Variants in A2ML1 observed in about 807,000 individuals in gnomAD.
A2ML1 encodes the protein alpha-2-macroglobulin-like protein 1.
A neutral mutation model predicts 181.9 loss-of-function variants in A2ML1; 161 were observed. That is an observed-to-expected ratio of 0.89 (90% confidence interval 0.78 to 1.01). The LOEUF is 1.01. Ranked by LOEUF, A2ML1 falls within the 50% of genes least tolerant of loss-of-function variation. The pLI, the probability that A2ML1 is intolerant of heterozygous loss-of-function variation, is 0.00. For synonymous variants in A2ML1, 663 were observed against 666.8 expected (o/e 0.99, Z 0.09); for missense variants, 1,670 against 1,768.1 (o/e 0.94, Z 1.00).
At chr12:8,832,695 C>G (rs1478556407) in intron 4 of A2ML1, among the ~76,000 whole-genome samples, 1 of 152,096 alleles carries the variant, frequency 6.6e-6, no homozygotes, top group Non-Finnish European at 1.5e-5. Context: ...AAAAGGCTGT[C>G]GATTGTTCTG....
intron 26 of A2ML1, 33 bp from the exon 27 acceptor site, chr12:8,860,848 G>A: frequency 6.2e-7 from 1 of 1,600,576 alleles, no homozygotes; most frequent in African/African-American, 1.3e-5. Context: ...GCTGCCTGCT[G>A]CCCTGACTCA....
intron 27 of A2ML1, 39 bp from the exon 28 acceptor site, chr12:8,861,096 A>G: frequency 1.9e-6 from 3 of 1,610,462 alleles, no homozygotes; most frequent in Non-Finnish European, 2.5e-6. Context: ...TTTTTAAAGG[A>G]ATGCCTTATA....
At chr12:8,877,365 G>A (rs1344909591), downstream of A2ML1, among the ~76,000 whole-genome samples, 5 of 152,070 alleles carry the variant, frequency 3.3e-5, no homozygotes, top group African/African-American at 1.2e-4. Flanking sequence ...AAGAGCTTCT[G>A]CACAGCAAAA....
At chr12:8,883,570 C>T (rs1944890214) in intron 7 of A2ML1, among the ~76,000 whole-genome samples, 1 of 151,956 alleles carries the variant, frequency 6.6e-6, no homozygotes, top group Admixed American at 6.6e-5. Flanking sequence ...CTCCACCTCC[C>T]AGGTTCAAGA....
At position 8,860,902 on chromosome 12, in the gene A2ML1, T is replaced by C. The variant is rs1217219935; in HGVS notation, c.3286T>C (p.Ser1096Pro). 3 of 1,614,002 alleles carry C rather than the reference T, an allele frequency of 1.9e-6. No homozygotes were observed. The highest frequency in any genetic ancestry group is 1.7e-6 in the Non-Finnish European group (2 of 1,180,032). The change falls in exon 27 of 36, where the codon TCC (serine) becomes CCC (proline). Residue 1096 changes from serine (S) to proline (P), a missense_variant. Transcript: ENST00000299698. ...AMKGGVDDEV[S>P]LTAYVTAALL... ...CTAGGGTGGTGTTGATGATGAGGTC[T>C]CCTTGACTGCGTATGTCACAGCTGC...
Position 8,854,121 on chromosome 12 carries a change from C to T in A2ML1, c.2591-7C>T, listed in dbSNP as rs750431285. 1 of 1,571,938 alleles carries T rather than the reference C, an allele frequency of 6.4e-7. No homozygotes were observed. The highest frequency in any genetic ancestry group is 1.2e-5 in the South Asian group (1 of 82,646). On this transcript the variant is annotated splice_region_variant and splice_polypyrimidine_tract_variant and intron_variant, in intron 20 of 35. Coordinates refer to ENST00000299698, the MANE Select transcript of A2ML1 (RefSeq NM_144670.6). Reference sequence around the variant, plus strand: ...GGGCTAATGGCTTCCCTTCTTCTTTCTCTCAGGTCACATTAACTTTACTAT... The same window carrying T: ...GGGCTAATGGCTTCCCTTCTTCTTTTTCTCAGGTCACATTAACTTTACTAT...
chr12:8,874,929 G>A, intron 34 of A2ML1, 42 bp from the exon 35 acceptor site: 1 of 1,604,476 alleles, frequency 6.2e-7, no homozygotes, highest in South Asian at 1.1e-5. Context: ...TCTGAATATA[G>A]GAGGCCCTCA....
chr12:8,879,413 C>G (rs376690428), downstream of A2ML1, among the ~76,000 whole-genome samples: 2 of 151,950 alleles, frequency 1.3e-5, no homozygotes. Context: ...ATTGCTTGAA[C>G]CCGGGAGGCG....
intron 20 of A2ML1, among the ~76,000 whole-genome samples, chr12:8,853,558 A>C (rs1943962236): frequency 1.3e-5 from 2 of 152,164 alleles, no homozygotes; most frequent in African/African-American, 2.4e-5. Flanking sequence ...TTTCATCTGA[A>C]GACTCGACTA....
At chr12:8,870,148 A>G (rs1376966615) in intron 33 of A2ML1, among the ~76,000 whole-genome samples, 2 of 152,158 alleles carry the variant, frequency 1.3e-5, no homozygotes, top group South Asian at 2.1e-4. Flanking sequence ...ATCAAAACAT[A>G]CTGTTGTTAG....
intron 10 of A2ML1, among the ~76,000 whole-genome samples, chr12:8,840,265 C>G (rs761466756): frequency 6.6e-6 from 1 of 151,076 alleles, no homozygotes; most frequent in African/African-American, 2.4e-5. Context: ...GAGTCTGAGG[C>G]ACGAGAATGG....
At chr12:8,840,311 G>C (rs925624106) in intron 10 of A2ML1, among the ~76,000 whole-genome samples, 3 of 148,694 alleles carry the variant, frequency 2.0e-5, no homozygotes, top group Non-Finnish European at 3.0e-5. Context: ...AGTGAGCTAA[G>C]ATCATGCCAC....
chr12:8,849,635 C>T (rs777758242), intron 16 of A2ML1, 34 bp from the exon 17 acceptor site: 1 of 1,568,188 alleles, frequency 6.4e-7, no homozygotes, highest in East Asian at 2.2e-5. Flanking sequence ...GGGGAAGGGA[C>T]CACCTTAATA....
At chr12:8,871,156 T>G (rs1248729757) in intron 33 of A2ML1, among the ~76,000 whole-genome samples, 1 of 152,226 alleles carries the variant, frequency 6.6e-6, no homozygotes, top group Non-Finnish European at 1.5e-5. Context: ...ACACATGGAA[T>G]TTTTAAAGCC....
At chr12:8,854,080 G>C (rs764755575) in intron 20 of A2ML1, 48 bp from the exon 21 acceptor site, 18 of 1,495,064 alleles carry the variant, frequency 1.2e-5, no homozygotes, top group Non-Finnish European at 1.6e-5. Flanking sequence ...GGACCTCACT[G>C]GTACCTCTGG....
intron 3 of A2ML1, among the ~76,000 whole-genome samples, chr12:8,827,237 G>C (rs1942958782): frequency 6.6e-6 from 1 of 152,152 alleles, no homozygotes; most frequent in African/African-American, 2.4e-5. Context: ...CTACTGGGGA[G>C]GCTGAGGCAG....
chr12:8,851,213 A>G (rs1943876312), intron 18 of A2ML1, among the ~76,000 whole-genome samples: 1 of 152,078 alleles, frequency 6.6e-6, no homozygotes, highest in Non-Finnish European at 1.5e-5. Context: ...CCCTGAGACC[A>G]CACATCCTCA....
chr12:8,882,001 ACT>A (rs1303540936), intron 7 of A2ML1, among the ~76,000 whole-genome samples: 2 of 150,748 alleles, frequency 1.3e-5, no homozygotes, highest in African/African-American at 4.9e-5. Context: ...ACAGAGCGAG[ACT>A]CTGTCTCAAA....
chr12:8,834,429 C>G (rs1258873790), intron 4 of A2ML1, among the ~76,000 whole-genome samples: 1 of 152,134 alleles, frequency 6.6e-6, no homozygotes, highest in African/African-American at 2.4e-5. Flanking sequence ...ACTGGCAATT[C>G]CTTTGAGATT....
Sources: gnomAD v4.1 joint callset for allele counts (sites outside exome capture counted in the v4.1 genomes callset) on GRCh38, gnomAD v4.1.1 for gene constraint, MANE v1.5 for transcripts, NCBI Gene and HGNC (gene_info 2026-07-23, HGNC 2026-07-21) for gene names.